Variants in FHIP1A observed in about 807,000 individuals in gnomAD.
FHIP1A encodes FHF complex subunit HOOK-interacting protein 1A.
Under a neutral mutation model 88.6 loss-of-function variants are expected in FHIP1A, and 61 were observed. The observed-to-expected ratio is 0.69, with a 90% CI of 0.56 to 0.85. The LOEUF (loss-of-function observed/expected upper bound fraction) is 0.85, where lower values mean the gene tolerates loss of function less well. Ranked by LOEUF, FHIP1A falls within the 40% of genes least tolerant of loss-of-function variation. FHIP1A has a pLI of 0.00. For missense variants in FHIP1A, 1,154 were observed against 1,273.5 expected (o/e 0.91, Z 1.43); for synonymous variants, 478 against 496.0 (o/e 0.96, Z 0.48).
Position 151,649,819 on chromosome 4 carries a change from T to TG in FHIP1A, c.1781dup (p.Ser595LeufsTer6). Reference sequence around the variant, plus strand: ...ACTGGAATCTCCTCAGGGGCTGACGTGGGCTCCCCAGGGCCTTATGATGAT... The same window carrying TG: ...ACTGGAATCTCCTCAGGGGCTGACGTGGGGCTCCCCAGGGCCTTATGATGAT... On this transcript the variant is annotated frameshift_variant, in exon 11 of 14. Coordinates refer to ENST00000435205, the MANE Select transcript of FHIP1A (RefSeq NM_001109977.3). LOFTEE classifies it high-confidence loss of function. 1 of 1,551,650 alleles carries TG rather than the reference T, an allele frequency of 6.4e-7. No individual in the cohort carries two copies. Among genetic ancestry groups the TG allele is most frequent in the Non-Finnish European group, 8.7e-7 (1 of 1,146,970 alleles).
At chr4:151,443,299 GA>G (rs1326206481) in intron 1 of FHIP1A, among the ~76,000 whole-genome samples, 3 of 151,634 alleles carry the variant, frequency 2.0e-5, no homozygotes, top group Non-Finnish European at 2.9e-5. Context: ...CTGTCTTAAA[GA>G]AAAAAAGATT....
chr4:151,540,310 C>T (rs1479065738), intron 3 of FHIP1A, among the ~76,000 whole-genome samples: 1 of 152,160 alleles, frequency 6.6e-6, no homozygotes, highest in African/African-American at 2.4e-5. Flanking sequence ...CCAAGACTAG[C>T]CTGCAGCCAA....
chr4:151,587,225 T>C lies in FHIP1A; in HGVS notation c.891+426T>C, dbSNP rs974220136. ...TACATAAAGAATATTGTTATCCTGA[T>C]TGAATTTAGAAGAAGTTAAGCATTT... On this transcript the variant is annotated intron_variant, in intron 6 of 13. Transcript: ENST00000435205. Among the ~76,000 whole-genome samples the C allele has an allele frequency of 3.3e-5, 5 of 152,220 alleles. No individual in the cohort carries two copies. In the South Asian group the frequency reaches 1.0e-3, roughly 32 times the overall value.
intron 1 of FHIP1A, among the ~76,000 whole-genome samples, chr4:151,450,984 GC>G (rs1728770359): frequency 6.6e-6 from 1 of 151,890 alleles, no homozygotes; most frequent in African/African-American, 2.4e-5. Context: ...CATCATGTTG[GC>G]TAGGCTGGTC....
At chr4:151,652,301 C>G (rs1391942930) in intron 11 of FHIP1A, among the ~76,000 whole-genome samples, 2 of 152,176 alleles carry the variant, frequency 1.3e-5, no homozygotes, top group African/African-American at 4.8e-5. Flanking sequence ...CCTTTTTCCT[C>G]TTTTGAACCT....
At chr4:151,428,781 A>G (rs1237222021) in intron 1 of FHIP1A, among the ~76,000 whole-genome samples, 1 of 152,132 alleles carries the variant, frequency 6.6e-6, no homozygotes, top group Non-Finnish European at 1.5e-5. Flanking sequence ...TCTCTTTTAA[A>G]AAGTTGCAGA....
intron 7 of FHIP1A, among the ~76,000 whole-genome samples, chr4:151,629,333 TC>T (rs1359377262): frequency 6.6e-6 from 1 of 152,214 alleles, no homozygotes; most frequent in Non-Finnish European, 1.5e-5. Flanking sequence ...AACAAGTTAT[TC>T]CGGGCTTTCT....
chr4:151,638,563 G>T (rs1236651112), intron 8 of FHIP1A, 114 bp from the exon 9 acceptor site: 9 of 540,578 alleles, frequency 1.7e-5, no homozygotes, highest in Non-Finnish European at 2.8e-5. Flanking sequence ...TATCAAAACT[G>T]CTAAAAAAAA....
intron 2 of FHIP1A, among the ~76,000 whole-genome samples, chr4:151,460,019 G>A (rs1397200579): frequency 6.6e-6 from 1 of 152,096 alleles, no homozygotes. Context: ...GATTGTTTAT[G>A]TTTTTAAGAG....
chr4:151,527,859 T>A (rs1580671467), intron 3 of FHIP1A, among the ~76,000 whole-genome samples: 1 of 151,486 alleles, frequency 6.6e-6, no homozygotes, highest in South Asian at 2.1e-4. Context: ...TGATTTTATT[T>A]ATAGGCTGCA....
intron 3 of FHIP1A, among the ~76,000 whole-genome samples, chr4:151,514,634 C>G (rs1731160796): frequency 6.6e-6 from 1 of 152,126 alleles, no homozygotes; most frequent in Non-Finnish European, 1.5e-5. Flanking sequence ...CACCACCGAT[C>G]CCACTGAAAT....
intron 3 of FHIP1A, among the ~76,000 whole-genome samples, chr4:151,507,651 A>AAT (rs1730881955): frequency 6.6e-6 from 1 of 152,080 alleles, no homozygotes; most frequent in South Asian, 2.1e-4. Flanking sequence ...CTTGGCTATT[A>AAT]AGTGAACAAG....
chr4:151,493,261 T>G (rs908694900), intron 3 of FHIP1A, among the ~76,000 whole-genome samples: 4 of 152,044 alleles, frequency 2.6e-5, no homozygotes, highest in Admixed American at 2.6e-4. Context: ...TATGCAACCC[T>G]CCTATATTAA....
At chr4:151,447,437 T>G (rs1728647179) in intron 1 of FHIP1A, among the ~76,000 whole-genome samples, 1 of 152,212 alleles carries the variant, frequency 6.6e-6, no homozygotes, top group Non-Finnish European at 1.5e-5. Flanking sequence ...CTCGAAGTAT[T>G]AGCTATCACT....
chr4:151,475,114 G>A (rs1729652423), intron 2 of FHIP1A, among the ~76,000 whole-genome samples: 1 of 152,118 alleles, frequency 6.6e-6, no homozygotes, highest in Non-Finnish European at 1.5e-5. Context: ...ATTTCTATAA[G>A]CTTCAGTTTT....
chr4:151,578,577 A>G (rs945954554), intron 5 of FHIP1A, among the ~76,000 whole-genome samples: 1 of 152,160 alleles, frequency 6.6e-6, no homozygotes, highest in African/African-American at 2.4e-5. Flanking sequence ...GTTAGTGTGC[A>G]GGGGCCACGC....
At chr4:151,501,518 T>C (rs1428154703) in intron 3 of FHIP1A, among the ~76,000 whole-genome samples, 1 of 152,066 alleles carries the variant, frequency 6.6e-6, no homozygotes, top group African/African-American at 2.4e-5. Context: ...TAAAGTGTTA[T>C]CTCATGGTTT....
chr4:151,601,788 C>T (rs912843986), intron 7 of FHIP1A, among the ~76,000 whole-genome samples: 1 of 151,626 alleles, frequency 6.6e-6, no homozygotes, highest in African/African-American at 2.4e-5. Context: ...AAGCTTCCAA[C>T]CTCCTTGAGT....
intron 3 of FHIP1A, among the ~76,000 whole-genome samples, chr4:151,506,293 A>G (rs896130728): frequency 5.3e-5 from 8 of 152,226 alleles, no homozygotes; most frequent in East Asian, 1.9e-4. Flanking sequence ...AATATTTACA[A>G]TGACTGCAAG....
Sources: gnomAD v4.1 joint callset for allele counts (sites outside exome capture counted in the v4.1 genomes callset) on GRCh38, gnomAD v4.1.1 for gene constraint, MANE v1.5 for transcripts, NCBI Gene and HGNC (gene_info 2026-07-23, HGNC 2026-07-21) for gene names.